Variants in ACER1 observed in about 807,000 individuals in gnomAD.
ACER1 encodes CTB-180A7.3.
Under a neutral mutation model 24.9 loss-of-function variants are expected in ACER1, and 28 were observed. The ratio of observed to expected loss-of-function variants is 1.13; its 90% confidence interval spans 0.83 to 1.54. The LOEUF is 1.54. Among genes scored for constraint, ACER1 ranks in the 40% most tolerant of loss-of-function variants. The pLI is 0.00. For synonymous variants in ACER1, 132 were observed against 131.4 expected, an observed-to-expected ratio of 1.00 and a Z score of -0.03; for missense variants, 352 against 349.3, an observed-to-expected ratio of 1.01 and a Z score of -0.06.
chr19:6,310,119 G>A (rs572373850), intron 3 of ACER1, among the ~76,000 whole-genome samples: 42 of 151,674 alleles, frequency 2.8e-4, no homozygotes, highest in African/African-American at 9.9e-4. Context: ...ACGGAGTCTC[G>A]CTCTGTCGCC....
At position 6,320,102 on chromosome 19, in the gene ACER1, C is replaced by CAAA. The variant is rs59776363; in HGVS notation, c.94-7606_94-7604dup. Reference sequence around the variant, plus strand: ...CCTGTGACAGAGAGAGATTCTGTCTCAAAAAAAAAAAAAAAAAAGGAAAGA... The same window carrying CAAA: ...CCTGTGACAGAGAGAGATTCTGTCTCAAAAAAAAAAAAAAAAAAAAAGGAAAGA... On this transcript the variant is annotated intron_variant, in intron 1 of 5. Coordinates refer to ENST00000301452, the MANE Select transcript of ACER1 (RefSeq NM_133492.3). Among the ~76,000 whole-genome samples, 39 of 101,480 alleles carry CAAA rather than the reference C, an allele frequency of 3.8e-4. 1 individual carries two copies. The highest frequency in any genetic ancestry group is 1.9e-3 in the East Asian group (6 of 3,178). 66.6% of individuals were successfully genotyped at this position (101,480 alleles called of 152,430 possible).
At position 6,330,316 on chromosome 19, in the gene ACER1, C is replaced by T. The variant is rs560448206; in HGVS notation, c.93+3143G>A. Among the ~76,000 whole-genome samples the T allele has an allele frequency of 1.1e-3, 163 of 150,054 alleles. 13 individuals carry two copies. Among genetic ancestry groups the T allele is most frequent in the African/African-American group, 3.9e-3 (155 of 39,676 alleles). On this transcript the variant is annotated intron_variant, in intron 1 of 5. Transcript: ENST00000301452. ...CCCAGTAGCAGGGATTATAGGCATG[C>T]GCCACCATGCCCAGCTAATTTTTGT...
At chr19:6,331,759 A>T (rs983192759) in intron 1 of ACER1, among the ~76,000 whole-genome samples, 38 of 151,672 alleles carry the variant, frequency 2.5e-4, no homozygotes, top group African/African-American at 9.0e-4. Flanking sequence ...GCGCCATTAC[A>T]TTCCAGCCTA....
chr19:6,335,829 T>C (rs1438526013), upstream of ACER1, among the ~76,000 whole-genome samples: 1 of 145,298 alleles, frequency 6.9e-6, no homozygotes, highest in Non-Finnish European at 1.5e-5. Context: ...AGACTCTGTC[T>C]AAAAAAAAAA....
chr19:6,328,927 G>A (rs575354097), intron 1 of ACER1, among the ~76,000 whole-genome samples: 10 of 151,596 alleles, frequency 6.6e-5, no homozygotes, highest in African/African-American at 1.9e-4. Context: ...GGCCCACCTC[G>A]GCCTTCCAAA....
intron 1 of ACER1, among the ~76,000 whole-genome samples, chr19:6,315,246 G>A (rs8113765): frequency 1.3e-5 from 2 of 150,884 alleles, no homozygotes; most frequent in African/African-American, 4.9e-5. Context: ...CTCTGTTGCC[G>A]AGGCTGGAAT....
chr19:6,341,831 A>G, the ACER1 span, among the ~76,000 whole-genome samples: 3 of 152,076 alleles, frequency 2.0e-5, no homozygotes, highest in Non-Finnish European at 4.4e-5. Context: ...GGGTTTCACC[A>G]GGTTGGCCAG....
chr19:6,315,193 ATATTTATTTATT>A (rs150191095), intron 1 of ACER1, among the ~76,000 whole-genome samples: 16 of 148,938 alleles, frequency 1.1e-4, no homozygotes, highest in South Asian at 4.2e-4. Context: ...TTATTTATTT[ATATTTATTTATT>A]TATTTATTTA....
intron 1 of ACER1, among the ~76,000 whole-genome samples, chr19:6,314,196 G>A (rs2091593328): frequency 6.6e-6 from 1 of 150,758 alleles, no homozygotes; most frequent in African/African-American, 2.4e-5. Flanking sequence ...TTGGCCAGGT[G>A]CAGTGGATCA....
chr19:6,357,458 G>T, the ACER1 span, among the ~76,000 whole-genome samples: 1 of 151,518 alleles, frequency 6.6e-6, no homozygotes, highest in Non-Finnish European at 1.5e-5. Context: ...CAGCAGGGGG[G>T]ACGGGGAACC....
intron 1 of ACER1, among the ~76,000 whole-genome samples, chr19:6,322,931 A>G (rs2145009965): frequency 6.6e-6 from 1 of 152,062 alleles, no homozygotes; most frequent in Admixed American, 6.6e-5. Context: ...ACCAACATGG[A>G]GAAACCCCAT....
At chr19:6,319,745 AC>A (rs931261212) in intron 1 of ACER1, among the ~76,000 whole-genome samples, 1 of 151,358 alleles carries the variant, frequency 6.6e-6, no homozygotes, top group Non-Finnish European at 1.5e-5. Flanking sequence ...CCCCCTCCCC[AC>A]CCTGTATCTA....
At chr19:6,358,093 G>GC in the ACER1 span, among the ~76,000 whole-genome samples, 1 of 152,152 alleles carries the variant, frequency 6.6e-6, no homozygotes, top group South Asian at 2.1e-4. Flanking sequence ...TCTCCCCAGG[G>GC]CGGGGGCAGG....
chr19:6,347,509 T>G, the ACER1 span, among the ~76,000 whole-genome samples: 2 of 126,504 alleles, frequency 1.6e-5, no homozygotes, highest in Admixed American at 1.4e-4. Flanking sequence ...TACGAGCCAC[T>G]GTGTGGAAAC....
intron 1 of ACER1, among the ~76,000 whole-genome samples, chr19:6,323,361 C>A (rs537842099): frequency 1.3e-5 from 2 of 150,744 alleles, no homozygotes; most frequent in East Asian, 2.0e-4. Flanking sequence ...GCAGAGCCTG[C>A]AGTGAGCAGA....
At chr19:6,331,435 C>A (rs1438137156) in intron 1 of ACER1, among the ~76,000 whole-genome samples, 2 of 134,576 alleles carry the variant, frequency 1.5e-5, no homozygotes, top group Non-Finnish European at 3.1e-5. Context: ...AGGCGTGAGC[C>A]ATAGCACCCA....
intron 1 of ACER1, among the ~76,000 whole-genome samples, chr19:6,328,510 A>AAG (rs1021370331): frequency 2.0e-5 from 3 of 150,942 alleles, no homozygotes; most frequent in African/African-American, 7.3e-5. Flanking sequence ...AAAAAAAAAA[A>AAG]AAAAAAAAAA....
rs1219536451 is a variant in ACER1 at position 6,307,304 on chromosome 19, A to G, written c.489-14T>C. The G allele has an allele frequency of 6.8e-6, 11 of 1,613,156 alleles. No homozygotes were observed. The highest frequency in any genetic ancestry group is 9.3e-6 in the Non-Finnish European group (11 of 1,179,824). ...TTATTGCTGGTCCTAGAGAGGGGAG[A>G]GGGGGACCAGGGGCTGGCTCGGAGA... is the stretch of plus-strand genomic sequence containing the variant. On this transcript the variant is annotated splice_polypyrimidine_tract_variant and intron_variant, in intron 4 of 5. Transcript: ENST00000301452.
intron 1 of ACER1, among the ~76,000 whole-genome samples, chr19:6,316,744 C>T (rs555169938): frequency 8.2e-4 from 123 of 149,230 alleles, no homozygotes; most frequent in Admixed American, 2.0e-3. Flanking sequence ...CGCTTGAATC[C>T]AGGAGGCAGA....
Sources: allele counts gnomAD v4.1 joint callset (sites outside exome capture counted in the v4.1 genomes callset), GRCh38; gene constraint gnomAD v4.1.1; transcripts MANE v1.5; gene names NCBI Gene and HGNC (gene_info 2026-07-23, HGNC 2026-07-21).